BRAT1: variants seen among roughly 807,000 people sequenced by gnomAD.
BRAT1 encodes the protein integrator complex assembly factor BRAT1.
Under a neutral mutation model 70.6 loss-of-function variants are expected in BRAT1, and 74 were observed. The ratio of observed to expected loss-of-function variants is 1.05; its 90% confidence interval spans 0.87 to 1.27. BRAT1 has a LOEUF of 1.27. BRAT1 is among the 50% of genes most tolerant of loss of function. The pLI is 0.00. For missense variants in BRAT1, 1,203 were observed against 1,098.2 expected, an observed-to-expected ratio of 1.10 and a Z score of -1.35; for synonymous variants, 615 against 517.1, an observed-to-expected ratio of 1.19 and a Z score of -2.57.
chr7:2,546,927 C>G (rs913494765), intron 3 of BRAT1, among the ~76,000 whole-genome samples: 3 of 152,066 alleles, frequency 2.0e-5, no homozygotes, highest in Admixed American at 6.5e-5. Context: ...GTCTCCGTCC[C>G]AGGAAGAGAC....
At chr7:2,544,048 A>C in intron 4 of BRAT1, 86 bp from the exon 5 acceptor site, 1 of 887,420 alleles carries the variant, frequency 1.1e-6, no homozygotes, top group Non-Finnish European at 1.5e-6. Context: ...GAAGATACAA[A>C]TAGCAGAGGG....
At chr7:2,545,815 T>C (rs1458825778) in intron 3 of BRAT1, among the ~76,000 whole-genome samples, 1 of 152,184 alleles carries the variant, frequency 6.6e-6, no homozygotes, top group Non-Finnish European at 1.5e-5. Context: ...TACCAGCTGC[T>C]GACAGACAAG....
intron 4 of BRAT1, 98 bp downstream of exon 4, chr7:2,544,811 A>G (rs1779475568): frequency 2.7e-6 from 4 of 1,480,798 alleles, no homozygotes; most frequent in East Asian, 2.6e-5. Flanking sequence ...ACCCTGAGAC[A>G]TCGCACAGAC....
At chr7:2,540,089 G>C in intron 10 of BRAT1, 1 of 519,128 alleles carries the variant, frequency 1.9e-6, no homozygotes, top group Non-Finnish European at 3.4e-6. Flanking sequence ...TGCAATCACA[G>C]TTCACTGCAG....
chr7:2,547,447 G>A lies in BRAT1; in HGVS notation c.159C>T (p.Pro53=), dbSNP rs758795693. 6.2e-7 allele frequency: 1 copy of A among 1,614,090 alleles called. No homozygotes were observed. Among genetic ancestry groups the A allele is most frequent in the South Asian group, 1.1e-5 (1 of 91,084 alleles). The part of the protein sequence containing the change: ...ESSVVLLQEH[P]CLVELLSHVL... ...CATGGGACAGCAGCTCCACCAGGCA[G>A]GGGTGCTCCTGCAGCAGCACGACAC... The change falls in exon 3 of 14, where the codon CCC becomes CCT. Residue 53 remains proline, a synonymous_variant. Coordinates refer to ENST00000340611, the MANE Select transcript of BRAT1 (RefSeq NM_152743.4).
At chr7:2,552,075 G>A (rs1211941175) in intron 2 of BRAT1, among the ~76,000 whole-genome samples, 1 of 60,856 alleles carries the variant, frequency 1.6e-5, no homozygotes, top group Non-Finnish European at 3.0e-5. Context: ...GAAATGCATA[G>A]TCTTAAATAT....
At chr7:2,546,811 C>A (rs1339234725) in intron 3 of BRAT1, among the ~76,000 whole-genome samples, 1 of 152,148 alleles carries the variant, frequency 6.6e-6, no homozygotes, top group African/African-American at 2.4e-5. Flanking sequence ...TAGTCATTCA[C>A]ATTCTCATTA....
In BRAT1 at chr7:2,541,002, C is replaced by A; in HGVS notation, c.1372G>T (p.Glu458Ter). The A allele has an allele frequency of 6.4e-7, 1 of 1,556,328 alleles. No homozygotes were observed. The highest frequency in any genetic ancestry group is 8.6e-7 in the Non-Finnish European group (1 of 1,163,056). Reference sequence around the variant, plus strand: ...ACCGTGGGGCTGGAGCCGGGGCTCTCGAGGCACTCCAGGAGGACAGCAAGC... The same window carrying A: ...ACCGTGGGGCTGGAGCCGGGGCTCTAGAGGCACTCCAGGAGGACAGCAAGC... Reference protein sequence around the residue: ...QALAVLLECLESPGSSPTVLK... With the variant: ...QALAVLLECL Residue 458 changes from glutamate to a stop codon, truncating the protein, a stop_gained, in exon 10 of 14, where the codon GAG becomes TAG. Transcript: ENST00000340611. LOFTEE classifies it high-confidence loss of function.
At position 2,541,156 on chromosome 7, in the gene BRAT1, C is replaced by G. The variant is rs866269287; in HGVS notation, c.1322-104G>C. 2.8e-6 allele frequency: 4 copies of G among 1,444,688 alleles called. No individual in the cohort carries two copies. In the South Asian group the frequency reaches 5.5e-5, roughly 20 times the overall value. The allele number at this position is 1,444,688 out of a possible 1,614,324, so 89.5% of individuals were successfully genotyped here. On this transcript the variant is annotated intron_variant, in intron 9 of 13. Coordinates refer to ENST00000340611, the MANE Select transcript of BRAT1 (RefSeq NM_152743.4). ...CAAGGCCTCATCCGCCAGCTGAAACCTCCTGCACGGCCCCTGCACCCCTCA... is the reference window on the plus strand; with the variant it reads ...CAAGGCCTCATCCGCCAGCTGAAACGTCCTGCACGGCCCCTGCACCCCTCA...
intron 9 of BRAT1, 47 bp downstream of exon 9, chr7:2,541,251 G>C (rs1779133447): frequency 1.3e-6 from 2 of 1,520,844 alleles, no homozygotes; most frequent in South Asian, 2.6e-5. Context: ...AAGGAGAGTG[G>C]GGGCACAGGG....
At chr7:2,549,712 A>G (rs1243559106) in intron 2 of BRAT1, among the ~76,000 whole-genome samples, 1 of 152,206 alleles carries the variant, frequency 6.6e-6, no homozygotes, top group Non-Finnish European at 1.5e-5. Flanking sequence ...ACTAAAAACA[A>G]GCAATGTGGT....
chr7:2,539,710 A>T, intron 11 of BRAT1, 68 bp from the exon 12 acceptor site: 1 of 1,551,940 alleles, frequency 6.4e-7, no homozygotes, highest in Non-Finnish European at 8.7e-7. Flanking sequence ...GAGCCAGCTG[A>T]GCCATTCCAC....
At chr7:2,545,363 CAAAAA>C (rs1185029266) in intron 3 of BRAT1, among the ~76,000 whole-genome samples, 555 of 25,024 alleles carry the variant, frequency 0.022, 2 homozygotes, top group African/African-American at 0.058. Flanking sequence ...GACTCCATCT[CAAAAA>C]AAAAAAAAAA....
In BRAT1 at chr7:2,538,660, G is replaced by A. The variant is rs560003607; in HGVS notation, c.1875C>T (p.Ala625=). 14 of 1,598,310 alleles carry A rather than the reference G, an allele frequency of 8.8e-6. No individual in the cohort carries two copies. In the East Asian group the frequency reaches 1.6e-4, roughly 18 times the overall value. The change falls in exon 14 of 14, where the codon GCC becomes GCT. Residue 625 remains alanine (A), a synonymous_variant. Coordinates refer to ENST00000340611, the MANE Select transcript of BRAT1 (RefSeq NM_152743.4). ...VFTEWLRDGH[A]DAAQDTEQFV... Reference sequence around the variant, plus strand: ...ACTGCTCCGTGTCCTGGGCCGCGTCGGCGTGGCCGTCCCGCAGCCACTCAG... The same window carrying A: ...ACTGCTCCGTGTCCTGGGCCGCGTCAGCGTGGCCGTCCCGCAGCCACTCAG...
intron 4 of BRAT1, among the ~76,000 whole-genome samples, chr7:2,544,503 CG>C (rs1490268792): frequency 1.3e-5 from 2 of 152,068 alleles, no homozygotes; most frequent in African/African-American, 4.8e-5. Flanking sequence ...TGCCCAGCCT[CG>C]TTTCTTGTTT....
intron 2 of BRAT1, among the ~76,000 whole-genome samples, chr7:2,549,382 T>C (rs1779836498): frequency 6.6e-6 from 1 of 152,026 alleles, no homozygotes; most frequent in African/African-American, 2.4e-5. Context: ...GAAGCTGAGA[T>C]GGGAAGATCA....
At position 2,538,440 on chromosome 7, in the gene BRAT1, C is replaced by G. The variant is rs1272664856; in HGVS notation, c.2095G>C (p.Gly699Arg). Residue 699 changes from glycine to arginine, a missense_variant, in exon 14 of 14, where the codon GGG becomes CGG. By Grantham distance (125) the Gly-to-Arg change is moderately radical (BLOSUM62 -2). Transcript: ENST00000340611. The part of the protein sequence containing the change: ...TEALRALCHV[G>R]LFDFAFCALF... The stretch of plus-strand genomic sequence containing the variant: ...GCACAAAAGGCGAAGTCAAAGAGCC[C>G]CACGTGGCAGAGAGCCCTCAGTGCC... 1 of 1,613,286 alleles carries G rather than the reference C, an allele frequency of 6.2e-7. No homozygotes were observed. Among genetic ancestry groups the G allele is most frequent in the Admixed American group, 1.7e-5 (1 of 60,030 alleles).
At position 2,544,372 on chromosome 7, in the gene BRAT1, T is replaced by C. The variant is rs547320586; in HGVS notation, c.431-410A>G. On this transcript the variant is annotated intron_variant, in intron 4 of 13. Coordinates refer to ENST00000340611, the MANE Select transcript of BRAT1 (RefSeq NM_152743.4). ...CACCCGCCATCATGCCCGGCTAATT[T>C]TTGTATTCTCGTAGAGACAGGGTTT... The C allele has an allele frequency of 1.5e-4, 25 of 171,868 alleles. 1 individual carries two copies. In the South Asian group the frequency reaches 3.8e-3, roughly 26 times the overall value. The allele number at this position is 171,868 out of a possible 1,614,324, so 10.6% of individuals were successfully genotyped here. A position where few individuals can be genotyped will look rare whatever the true frequency, so the allele number is the denominator to read the frequency against.
In BRAT1 at chr7:2,543,384, T is replaced by C; in HGVS notation, c.804-61A>G. ...CACCCTCAAAACCCCATTCGAGGCC[T>C]GGCTGAGACTGCCATGGCTCCGGCA... On this transcript the variant is annotated intron_variant, in intron 5 of 13. Transcript: ENST00000340611. This position sits in a 1 kb window ranked among gnomAD's most constrained non-coding sequence, Gnocchi z 5.5. 1 of 1,516,962 alleles carries C rather than the reference T, an allele frequency of 6.6e-7. No individual in the cohort carries two copies. Among genetic ancestry groups the C allele is most frequent in the Non-Finnish European group, 8.8e-7 (1 of 1,132,622 alleles). 94.0% of individuals were successfully genotyped at this position (1,516,962 alleles called of 1,614,324 possible).
Sources: gnomAD v4.1 joint callset for allele counts (sites outside exome capture counted in the v4.1 genomes callset) on GRCh38, gnomAD v4.1.1 for gene constraint, Gnocchi (gnomAD v3.1) non-coding constraint, MANE v1.5 for transcripts, NCBI Gene and HGNC (gene_info 2026-07-23, HGNC 2026-07-21) for gene names.